RBFOX1: variants seen among roughly 807,000 people sequenced by gnomAD.
RBFOX1 encodes the protein RNA binding protein fox-1 homolog 1.
In RBFOX1, 8 loss-of-function variants were observed where a neutral mutation model predicts 57.7. That is an observed-to-expected ratio of 0.14 (90% CI 0.08 to 0.25). RBFOX1 has a LOEUF of 0.25. Ranked by LOEUF, RBFOX1 falls within the 10% of genes least tolerant of loss-of-function variation. RBFOX1 has a pLI of 1.00. For missense variants in RBFOX1, 611 were observed against 548.5 expected, an observed-to-expected ratio of 1.11 and a Z score of -1.14; for synonymous variants, 326 against 222.4, an observed-to-expected ratio of 1.47 and a Z score of -4.15.
intron 4 of RBFOX1, among the ~76,000 whole-genome samples, chr16:7,127,978 G>C (rs1436938301): frequency 6.6e-6 from 1 of 152,218 alleles, no homozygotes; most frequent in East Asian, 1.9e-4. Context: ...GCTGGGTTCA[G>C]ATGCACAAAT....
rs1305156265 is a variant in RBFOX1 at position 6,987,234 on chromosome 16, G to C, written c.-15-64823G>C. On this transcript the variant is annotated intron_variant, in intron 3 of 15. Transcript: ENST00000550418. ...TAACAAGAATGAAAACTTTGGCCCT[G>C]GTTATGCACAGATTTATTGAATCAT... 2.0e-5 allele frequency among the ~76,000 whole-genome samples: 3 copies of C among 152,092 alleles called. No homozygotes were observed. In the East Asian group the frequency reaches 5.8e-4, roughly 29 times the overall value.
chr16:6,739,174 CAA>C lies in RBFOX1; in HGVS notation c.-16+84525_-16+84526del, dbSNP rs201241016. On this transcript the variant is annotated intron_variant, in intron 3 of 15. Coordinates refer to ENST00000550418, the MANE Select transcript of RBFOX1 (RefSeq NM_018723.4). Reference sequence around the variant, plus strand: ...GTCAATGAAATTGAAAACAGAAAAACAAGAGAGAAATGCTAGTTCTTTAAAAA... The same window carrying C: ...GTCAATGAAATTGAAAACAGAAAAACGAGAGAAATGCTAGTTCTTTAAAAA... 3.0e-3 allele frequency among the ~76,000 whole-genome samples: 449 copies of C among 149,152 alleles called. 7 individuals are homozygous for C. In the East Asian group the frequency reaches 0.045, roughly 15 times the overall value.
intron 4 of RBFOX1, among the ~76,000 whole-genome samples, chr16:7,493,383 T>C (rs2067558570): frequency 6.6e-6 from 1 of 152,168 alleles, no homozygotes; most frequent in African/African-American, 2.4e-5. Context: ...TGCAATAGAC[T>C]CAGTAACGCC....
At chr16:6,565,280 A>G (rs2097246702) in intron 2 of RBFOX1, among the ~76,000 whole-genome samples, 1 of 151,038 alleles carries the variant, frequency 6.6e-6, no homozygotes, top group African/African-American at 2.4e-5. Context: ...TGTCTGAGAC[A>G]GAGTCTCACT....
Position 6,637,317 on chromosome 16 carries a change from TTA to T in RBFOX1, c.-63-17278_-63-17277del, listed in dbSNP as rs1555636296. Reference sequence around the variant, plus strand: ...ATAATATACAAATATATATTATATATTATATATATTATATAATATACAAATAT... The same window carrying T: ...ATAATATACAAATATATATTATATATTATATATTATATAATATACAAATAT... On this transcript the variant is annotated intron_variant, in intron 2 of 15. Transcript: ENST00000550418. 6.6e-3 allele frequency among the ~76,000 whole-genome samples: 78 copies of T among 11,762 alleles called. 13 individuals carry two copies. The highest frequency in any genetic ancestry group is 0.019 in the African/African-American group (78 of 4,192). 7.7% of individuals were successfully genotyped at this position (11,762 alleles called of 152,430 possible).
chr16:5,750,099 C>T (rs1163475829), intron 3 of RBFOX1, among the ~76,000 whole-genome samples: 1 of 152,220 alleles, frequency 6.6e-6, no homozygotes, highest in Admixed American at 6.5e-5. Context: ...AGACCCTCAG[C>T]TGCAGGTCTG....
chr16:6,872,797 G>T (rs536157088), intron 3 of RBFOX1, among the ~76,000 whole-genome samples: 104 of 152,232 alleles, frequency 6.8e-4, no homozygotes, highest in African/African-American at 1.5e-3. Context: ...TTGAATTGAT[G>T]CCTTCGAACA....
At chr16:6,804,078 C>T (rs13338242) in intron 3 of RBFOX1, among the ~76,000 whole-genome samples, 15,794 of 152,002 alleles carry the variant, frequency 0.1, 1,040 homozygotes, top group African/African-American at 0.17. Context: ...ATGATCTCAG[C>T]TCGCTGCAAC....
At chr16:5,523,477 G>T (rs191427894) in intron 2 of RBFOX1, among the ~76,000 whole-genome samples, 2 of 151,914 alleles carry the variant, frequency 1.3e-5, no homozygotes, top group Non-Finnish European at 2.9e-5. Flanking sequence ...TTAGCCAGGT[G>T]TGATGGTGAG....
chr16:7,660,097 TATATATC>T (rs534482326), intron 12 of RBFOX1, among the ~76,000 whole-genome samples: 136 of 152,306 alleles, frequency 8.9e-4, no homozygotes, highest in African/African-American at 3.0e-3. Flanking sequence ...TTGTGGCTGG[TATATATC>T]ATATTACACG....
intron 9 of RBFOX1, 96 bp from the exon 10 acceptor site, chr16:7,607,189 T>G: frequency 2.4e-4 from 264 of 1,116,342 alleles, no homozygotes; most frequent in Non-Finnish European, 3.1e-4. Flanking sequence ...AAATACAAAA[T>G]GAGATACTTT....
intron 13 of RBFOX1, chr16:7,671,549 C>G: frequency 1.9e-6 from 3 of 1,605,194 alleles, no homozygotes; most frequent in Non-Finnish European, 2.6e-6. Flanking sequence ...ATTTCTGTTT[C>G]CTTATAGAGT....
At chr16:6,427,176 A>G (rs773572500) in intron 2 of RBFOX1, among the ~76,000 whole-genome samples, 5 of 152,228 alleles carry the variant, frequency 3.3e-5, no homozygotes, top group African/African-American at 9.6e-5. Context: ...ATTAAATGTT[A>G]TAAAGTGAAG....
chr16:7,353,608 A>G (rs1311999287), intron 4 of RBFOX1, among the ~76,000 whole-genome samples: 1 of 152,226 alleles, frequency 6.6e-6, no homozygotes, highest in Non-Finnish European at 1.5e-5. Flanking sequence ...TATAGCATAC[A>G]ATGGGATATG....
intron 3 of RBFOX1, among the ~76,000 whole-genome samples, chr16:5,788,413 G>A (rs1000378635): frequency 6.6e-6 from 1 of 152,156 alleles, no homozygotes; most frequent in African/African-American, 2.4e-5. Flanking sequence ...GGGATCACCT[G>A]ATCTCAGGAG....
chr16:5,337,853 G>C (rs1287008901), intron 1 of RBFOX1, among the ~76,000 whole-genome samples: 1 of 152,094 alleles, frequency 6.6e-6, no homozygotes, highest in Admixed American at 6.5e-5. Flanking sequence ...AGACCATCCT[G>C]GGTAACACAG....
chr16:7,085,862 C>G (rs2059910564), intron 4 of RBFOX1, among the ~76,000 whole-genome samples: 1 of 152,146 alleles, frequency 6.6e-6, no homozygotes, highest in Non-Finnish European at 1.5e-5. Context: ...ATCCTGCATC[C>G]CAGGAAACCG....
chr16:6,994,204 G>A (rs997594576), intron 3 of RBFOX1, among the ~76,000 whole-genome samples: 4 of 152,154 alleles, frequency 2.6e-5, no homozygotes, highest in South Asian at 2.1e-4. Context: ...AAATTAGAAG[G>A]AGGAAAACAC....
chr16:5,964,488 T>G (rs1168813499), intron 4 of RBFOX1, among the ~76,000 whole-genome samples: 2 of 152,140 alleles, frequency 1.3e-5, no homozygotes, highest in African/African-American at 4.8e-5. Flanking sequence ...TGAAATGACC[T>G]AAGAGTCCAA....
Sources: allele counts gnomAD v4.1 joint callset (sites outside exome capture counted in the v4.1 genomes callset), GRCh38; gene constraint gnomAD v4.1.1; transcripts MANE v1.5; gene names NCBI Gene and HGNC (gene_info 2026-07-23, HGNC 2026-07-21).